Variants in RPH3A observed in about 807,000 individuals in gnomAD.
The protein encoded by RPH3A is rabphilin-3A.
In RPH3A, 48 loss-of-function variants were observed where a neutral mutation model predicts 102.2. That is an observed-to-expected ratio of 0.47 (90% CI 0.37 to 0.60). RPH3A has a LOEUF of 0.60. RPH3A is among the 20% of genes least tolerant of loss of function. RPH3A has a pLI of 0.00. For missense variants in RPH3A, 781 were observed against 910.1 expected, an observed-to-expected ratio of 0.86 and a Z score of 1.83; for synonymous variants, 310 against 324.3, an observed-to-expected ratio of 0.96 and a Z score of 0.47.
intron 4 of RPH3A, chr12:112,841,968 A>G (rs1435501416): frequency 4.4e-6 from 2 of 456,018 alleles, no homozygotes; most frequent in South Asian, 3.1e-5. Flanking sequence ...ATGTTTGTGC[A>G]GATAGGCAAG....
chr12:112,690,383 G>A (rs969808816), intron 1 of RPH3A, among the ~76,000 whole-genome samples: 1 of 152,192 alleles, frequency 6.6e-6, no homozygotes, highest in Non-Finnish European at 1.5e-5. Flanking sequence ...GAGTGCACAC[G>A]AAACAATGGG....
chr12:112,657,380 A>G (rs2040020691), intron 1 of RPH3A, among the ~76,000 whole-genome samples: 1 of 152,098 alleles, frequency 6.6e-6, no homozygotes, highest in Non-Finnish European at 1.5e-5. Context: ...AAGCAGAAGG[A>G]ATACACTCTA....
intron 2 of RPH3A, among the ~76,000 whole-genome samples, chr12:112,815,235 C>T (rs570119638): frequency 4.6e-5 from 7 of 152,234 alleles, no homozygotes; most frequent in South Asian, 4.1e-4. Context: ...GGTCTGGAGG[C>T]GCAAATAGAA....
intron 1 of RPH3A, among the ~76,000 whole-genome samples, chr12:112,580,386 T>C (rs1359770547): frequency 1.3e-5 from 2 of 148,254 alleles, no homozygotes; most frequent in Non-Finnish European, 3.0e-5. Context: ...CAGACACTTT[T>C]GTCTTGTCTT....
At chr12:112,681,212 C>T (rs2040223956) in intron 1 of RPH3A, among the ~76,000 whole-genome samples, 1 of 152,200 alleles carries the variant, frequency 6.6e-6, no homozygotes, top group African/African-American at 2.4e-5. Flanking sequence ...TGCCACCTCT[C>T]TGCTGCCCGC....
intron 1 of RPH3A, among the ~76,000 whole-genome samples, chr12:112,645,855 A>G (rs1317414742): frequency 6.6e-6 from 1 of 152,182 alleles, no homozygotes; most frequent in African/African-American, 2.4e-5. Context: ...GACAGCCGGT[A>G]GACAGCCATA....
intron 2 of RPH3A, among the ~76,000 whole-genome samples, chr12:112,801,683 C>A (rs180680468): frequency 6.6e-6 from 1 of 152,080 alleles, no homozygotes; most frequent in Non-Finnish European, 1.5e-5. Context: ...TGTTAGGGTG[C>A]GAGATGATGA....
At chr12:112,678,233 G>A (rs1420803658) in intron 1 of RPH3A, among the ~76,000 whole-genome samples, 1 of 6,346 alleles carries the variant, frequency 1.6e-4, no homozygotes, top group Admixed American at 2.0e-3. Context: ...AGACCCTGTC[G>A]AAAGAAAGAA....
intron 1 of RPH3A, among the ~76,000 whole-genome samples, chr12:112,633,531 C>T (rs1388965666): frequency 1.3e-5 from 2 of 152,108 alleles, no homozygotes; most frequent in Non-Finnish European, 2.9e-5. Context: ...CCAGCCCCCT[C>T]GTTGTGTGAT....
chr12:112,753,097 A>C (rs1199545123), intron 1 of RPH3A, among the ~76,000 whole-genome samples: 2 of 151,246 alleles, frequency 1.3e-5, no homozygotes, highest in African/African-American at 4.9e-5. Context: ...ATCGATTCAG[A>C]CTGTTTCTCG....
intron 2 of RPH3A, among the ~76,000 whole-genome samples, chr12:112,827,758 G>A (rs1269543538): frequency 6.6e-6 from 1 of 152,096 alleles, no homozygotes; most frequent in South Asian, 2.1e-4. Context: ...TGGGGTGGGG[G>A]GCCAGGGGAG....
At chr12:112,577,648 G>A (rs915054812) in intron 1 of RPH3A, among the ~76,000 whole-genome samples, 3 of 151,872 alleles carry the variant, frequency 2.0e-5, no homozygotes, top group African/African-American at 7.3e-5. Flanking sequence ...ATTTTACCCA[G>A]CCCCTATTCA....
At chr12:112,720,491 T>C (rs80216334) in intron 1 of RPH3A, among the ~76,000 whole-genome samples, 5,660 of 152,316 alleles carry the variant, frequency 0.037, 249 homozygotes, top group South Asian at 0.18. Flanking sequence ...AATGAAGATT[T>C]ATGATAACCA....
chr12:112,891,764 C>A (rs2136269222), intron 19 of RPH3A, among the ~76,000 whole-genome samples: 1 of 152,328 alleles, frequency 6.6e-6, no homozygotes, highest in East Asian at 1.9e-4. Flanking sequence ...CTGCCAGGCC[C>A]AGTCATTGGC....
chr12:112,717,103 A>C (rs1333707640), intron 1 of RPH3A, among the ~76,000 whole-genome samples: 1 of 152,208 alleles, frequency 6.6e-6, no homozygotes, highest in Non-Finnish European at 1.5e-5. Context: ...GAAGTATTTT[A>C]AGATATTTTG....
intron 2 of RPH3A, among the ~76,000 whole-genome samples, chr12:112,795,587 C>T (rs1369409034): frequency 1.3e-5 from 2 of 152,154 alleles, no homozygotes; most frequent in Non-Finnish European, 2.9e-5. Context: ...TTGACTCTGG[C>T]ATTTCCTTGC....
At chr12:112,890,550 T>G (rs1324276205) in intron 18 of RPH3A, among the ~76,000 whole-genome samples, 1 of 152,180 alleles carries the variant, frequency 6.6e-6, no homozygotes, top group East Asian at 1.9e-4. Context: ...CAAGGCTCAG[T>G]CCTGGGTTAG....
intron 2 of RPH3A, among the ~76,000 whole-genome samples, chr12:112,810,439 G>A (rs1396064596): frequency 6.6e-6 from 1 of 152,124 alleles, no homozygotes; most frequent in Non-Finnish European, 1.5e-5. Flanking sequence ...TTTGCTGCTC[G>A]GCCCTGGTTC....
In RPH3A at chr12:112,791,867, G is replaced by GGAGAGAGAGCGAGAGAGAGAGAGAGA. The variant is rs1555209153; in HGVS notation, c.-276_-275insCGAGAGAGAGAGAGAGAGAGAGAGAG. On this transcript the variant is annotated 5_prime_UTR_variant, in exon 1 of 22. Transcript: ENST00000389385. ...CGCGGACTGGAAAGGAAGGGAGAAGGGAGAGAGAGAGAGAGAGAGAGAGAG... is the reference window on the plus strand; with the variant it reads ...CGCGGACTGGAAAGGAAGGGAGAAGGGAGAGAGAGCGAGAGAGAGAGAGAGAGAGAGAGAGAGAGAGAGAGAGAGAG... 14 of 48,506 alleles carry GGAGAGAGAGCGAGAGAGAGAGAGAGA rather than the reference G, an allele frequency of 2.9e-4. 1 individual carries two copies. Among genetic ancestry groups the GGAGAGAGAGCGAGAGAGAGAGAGAGA allele is most frequent in the African/African-American group, 1.2e-3 (13 of 10,428 alleles). The allele number at this position is 48,506 out of a possible 1,614,324, so 3.0% of individuals were successfully genotyped here.
Sources: allele counts gnomAD v4.1 joint callset (sites outside exome capture counted in the v4.1 genomes callset), GRCh38; gene constraint gnomAD v4.1.1; transcripts MANE v1.5; gene names NCBI Gene and HGNC (gene_info 2026-07-23, HGNC 2026-07-21).